Variants in KANSL1 observed in about 807,000 individuals in gnomAD.
KANSL1 encodes MLL1/MLL complex subunit KANSL1.
Under a neutral mutation model 103.6 loss-of-function variants are expected in KANSL1, and 22 were observed. That is an observed-to-expected ratio of 0.21 (90% CI 0.15 to 0.30). KANSL1 has a LOEUF of 0.30. KANSL1 is among the 10% of genes least tolerant of loss of function. The probability of loss-of-function intolerance (pLI) is 1.00; values close to 1 mark genes in which losing one functional copy is unlikely to be tolerated. For synonymous variants in KANSL1, 600 were observed against 527.6 expected, an observed-to-expected ratio of 1.14 and a Z score of -1.88; for missense variants, 1,337 against 1,399.8, an observed-to-expected ratio of 0.96 and a Z score of 0.72.
chr17:46,172,859 A>G (rs1046072792), intron 1 of KANSL1, among the ~76,000 whole-genome samples: 4 of 152,216 alleles, frequency 2.6e-5, no homozygotes, highest in African/African-American at 9.7e-5. Flanking sequence ...TCTTCCTCTC[A>G]GCCTAGGAAT....
At chr17:46,101,282 A>G (rs1274976655) in intron 2 of KANSL1, among the ~76,000 whole-genome samples, 1 of 152,262 alleles carries the variant, frequency 6.6e-6, no homozygotes, top group Non-Finnish European at 1.5e-5. Flanking sequence ...GCTCAAAAGC[A>G]GTGTGAAACA....
chr17:46,141,256 AC>A (rs1413350299), intron 2 of KANSL1, among the ~76,000 whole-genome samples: 2 of 152,182 alleles, frequency 1.3e-5, no homozygotes, highest in African/African-American at 4.8e-5. Context: ...AATGCATTAA[AC>A]CCAGTAGGTC....
intron 1 of KANSL1, among the ~76,000 whole-genome samples, chr17:46,215,839 A>G (rs2696609): frequency 0.23 from 34,670 of 151,772 alleles, 4,489 homozygotes; most frequent in African/African-American, 0.32. Flanking sequence ...TCAGGAGTTC[A>G]AGCCCAGCCT....
At chr17:46,059,510 T>C (rs1228147125) in intron 6 of KANSL1, among the ~76,000 whole-genome samples, 1 of 151,372 alleles carries the variant, frequency 6.6e-6, no homozygotes, top group Non-Finnish European at 1.5e-5. Flanking sequence ...TCCCAGCTAC[T>C]TGGAAGGCTG....
chr17:46,191,978 G>A (rs2047353353), intron 1 of KANSL1, among the ~76,000 whole-genome samples: 1 of 140,892 alleles, frequency 7.1e-6, no homozygotes, highest in East Asian at 2.2e-4. Context: ...CACAGAAAAT[G>A]CTCCAGTGAC....
intron 3 of KANSL1, 155 bp downstream of exon 3, chr17:46,094,404 GT>G (rs2079534461): frequency 1.1e-6 from 1 of 922,594 alleles, no homozygotes; most frequent in South Asian, 1.7e-5. Flanking sequence ...GCCACATCAG[GT>G]TCTTAAATTA....
At chr17:46,120,340 A>G (rs1033945175) in intron 2 of KANSL1, among the ~76,000 whole-genome samples, 1 of 152,242 alleles carries the variant, frequency 6.6e-6, no homozygotes, top group Non-Finnish European at 1.5e-5. Context: ...TACAAACCTC[A>G]GTGAAATGAA....
chr17:46,082,789 C>T (rs1293558682), intron 3 of KANSL1, among the ~76,000 whole-genome samples: 1 of 152,078 alleles, frequency 6.6e-6, no homozygotes, highest in Non-Finnish European at 1.5e-5. Flanking sequence ...AGCCATTTAG[C>T]ATCTTTATTC....
intron 2 of KANSL1, among the ~76,000 whole-genome samples, chr17:46,110,009 C>T (rs2042735033): frequency 6.6e-6 from 1 of 152,108 alleles, no homozygotes; most frequent in Non-Finnish European, 1.5e-5. Flanking sequence ...TGCAGTAGTG[C>T]CTTAACTGTA....
chr17:46,051,700 GGT>G (rs2077716287), intron 6 of KANSL1, among the ~76,000 whole-genome samples: 1 of 152,188 alleles, frequency 6.6e-6, no homozygotes, highest in South Asian at 2.1e-4. Flanking sequence ...AGGCATCCTA[GGT>G]GCAAGCTCAG....
At chr17:46,055,201 C>G (rs910036227) in intron 6 of KANSL1, among the ~76,000 whole-genome samples, 1 of 151,666 alleles carries the variant, frequency 6.6e-6, no homozygotes, top group African/African-American at 2.4e-5. Context: ...CGGTGGCTCA[C>G]GCCTGTATTC....
At chr17:46,053,451 A>G (rs183751377) in intron 6 of KANSL1, among the ~76,000 whole-genome samples, 1 of 94,582 alleles carries the variant, frequency 1.1e-5, no homozygotes, top group East Asian at 3.3e-4. Context: ...TATATTTAAT[A>G]CTTATTTTTT....
intron 1 of KANSL1, among the ~76,000 whole-genome samples, chr17:46,218,816 C>G (rs2532411): frequency 7.9e-5 from 12 of 151,850 alleles, no homozygotes; most frequent in African/African-American, 2.7e-4. Context: ...ACAATAAGAA[C>G]AGTAGTAGTC....
intron 2 of KANSL1, among the ~76,000 whole-genome samples, chr17:46,164,964 C>T (rs975853034): frequency 1.3e-5 from 2 of 152,132 alleles, no homozygotes; most frequent in East Asian, 1.9e-4. Flanking sequence ...AAATGATAGC[C>T]GGGTGTTTGG....
chr17:46,073,129 A>C (rs1377272369), intron 4 of KANSL1, among the ~76,000 whole-genome samples: 1 of 152,222 alleles, frequency 6.6e-6, no homozygotes, highest in Non-Finnish European at 1.5e-5. Flanking sequence ...GCAAAACTTC[A>C]AAGAAAGGAA....
chr17:46,185,065 G>A (rs938555364), intron 1 of KANSL1, among the ~76,000 whole-genome samples: 1 of 152,070 alleles, frequency 6.6e-6, no homozygotes, highest in Non-Finnish European at 1.5e-5. Context: ...CTGACCTCGT[G>A]ATTCGCCAGC....
chr17:46,104,972 C>T (rs1166620572), intron 2 of KANSL1, among the ~76,000 whole-genome samples: 2 of 152,130 alleles, frequency 1.3e-5, no homozygotes, highest in African/African-American at 2.4e-5. Context: ...CCCGTCACCA[C>T]GCCTCGCTAA....
At chr17:46,153,030 G>GT (rs2045208216) in intron 2 of KANSL1, 1 of 152,196 alleles carries the variant, frequency 6.6e-6, no homozygotes, top group East Asian at 1.9e-4. Flanking sequence ...ACTTAAAGCA[G>GT]TATTTTTTAA....
chr17:46,071,105 C>G (rs975941951), intron 4 of KANSL1, among the ~76,000 whole-genome samples: 1 of 152,160 alleles, frequency 6.6e-6, no homozygotes, highest in African/African-American at 2.4e-5. Flanking sequence ...AAATGCTATT[C>G]AGCTTTAACA....
Sources: allele counts gnomAD v4.1 joint callset (sites outside exome capture counted in the v4.1 genomes callset), GRCh38; gene constraint gnomAD v4.1.1; transcripts MANE v1.5; gene names NCBI Gene and HGNC (gene_info 2026-07-23, HGNC 2026-07-21).